GPRIN1: variants seen among roughly 807,000 people sequenced by gnomAD.
GPRIN1 encodes G protein-regulated inducer of neurite outgrowth 1.
A neutral mutation model predicts 2.8 loss-of-function variants in GPRIN1; 4 were observed. The ratio of observed to expected loss-of-function variants is 1.45; its 90% CI spans 0.71 to 3.32. The LOEUF (loss-of-function observed/expected upper bound fraction) is 3.32, where lower values mean the gene tolerates loss of function less well. Ranked by LOEUF, GPRIN1 falls within the 30% of genes most tolerant of loss-of-function variation. GPRIN1 has a pLI of 0.01. For synonymous variants in GPRIN1, 589 were observed against 589.9 expected (o/e 1.00, Z 0.02); for missense variants, 1,322 against 1,343.4 (o/e 0.98, Z 0.25).
At chr5:176,608,991 G>A (rs1054967565) in intron 1 of GPRIN1, among the ~76,000 whole-genome samples, 1 of 152,216 alleles carries the variant, frequency 6.6e-6, no homozygotes, top group African/African-American at 2.4e-5. Context: ...TCGGGGGTGT[G>A]GGGGGAGAAG....
rs150580266 is a variant in GPRIN1, at chr5:176,604,632, C to T, written c.-43-4755G>A. ...TAGCGCCTAGTGAGCCACTGTATCC[C>T]GCCCCTTGGAAGTATTTAAGCAGGG... On this transcript the variant is annotated intron_variant, in intron 1 of 1. Coordinates refer to ENST00000303991, the MANE Select transcript of GPRIN1 (RefSeq NM_052899.3). Among the ~76,000 whole-genome samples the T allele has an allele frequency of 1.9e-4, 29 of 152,230 alleles. No individual in the cohort carries two copies. The East Asian group carries it at 5.0e-3, about 26-fold the overall frequency.
rs995098125 is a variant in GPRIN1, at chr5:176,602,556, C to A, written c.-43-2679G>T. On this transcript the variant is annotated intron_variant, in intron 1 of 1. Transcript: ENST00000303991. This position sits in a 1 kb window ranked among gnomAD's most constrained non-coding sequence, Gnocchi z 4.4. ...ACCTGTGCCCTCCTTGGCTCAAAAC[C>A]CTCCTCATTCTTGCCGGAAATGTAA... 6.6e-6 allele frequency among the ~76,000 whole-genome samples: 1 copy of A among 152,150 alleles called. No homozygotes were observed. The highest frequency in any genetic ancestry group is 1.5e-5 in the Non-Finnish European group (1 of 68,038).
At chr5:176,608,659 C>T (rs1405744683) in intron 1 of GPRIN1, among the ~76,000 whole-genome samples, 2 of 152,178 alleles carry the variant, frequency 1.3e-5, no homozygotes, top group African/African-American at 4.8e-5. Context: ...TATCTCACTC[C>T]TAGGAGAGCT....
rs931849939 is a variant in GPRIN1, at chr5:176,597,423, G to T, written c.2412C>A (p.Ala804=). Residue 804 remains alanine, a synonymous_variant, in exon 2 of 2, where the codon GCC becomes GCA. Transcript: ENST00000303991. The surrounding 1 kb of genome is among the most constrained non-coding windows in gnomAD (Gnocchi z 6.1). ...CCGCGTCCTCGCGCGGCGGCGGCGG[G>T]GCGCTCGCCTCCCACGACGGCGCCT... ...FTKAPSWEAS[A]PPPPREDAGT... 4.6e-6 allele frequency: 6 copies of T among 1,296,568 alleles called. No individual in the cohort carries two copies. In the African/African-American group the frequency reaches 9.3e-5, roughly 20 times the overall value. The allele number at this position is 1,296,568 out of a possible 1,614,324, so 80.3% of individuals were successfully genotyped here. A position where few individuals can be genotyped will look rare whatever the true frequency, so the allele number is the denominator to read the frequency against.
At chr5:176,608,330 C>T (rs369510593) in intron 1 of GPRIN1, among the ~76,000 whole-genome samples, 6 of 152,192 alleles carry the variant, frequency 3.9e-5, no homozygotes, top group Non-Finnish European at 7.3e-5. Flanking sequence ...CTCCCCTCCC[C>T]CTGCATACAT....
chr5:176,596,810 A>G lies in GPRIN1; in HGVS notation c.3025T>C (p.Ter1009ArgextTer18). Residue 1009 changes from the stop codon to arginine (R), a stop_lost, in exon 2 of 2, where the codon TGA becomes CGA. Coordinates refer to ENST00000303991, the MANE Select transcript of GPRIN1 (RefSeq NM_052899.3). This position sits in a 1 kb window ranked among gnomAD's most constrained non-coding sequence, Gnocchi z 5.2. ...CGGGCGTACAAAATGGGGGCAGATC[A>G]CTCGGCCGTGGGTCCCGCCCGCGAG... ...CCSRAGPTAE[*>R] 7.0e-7 allele frequency: 1 copy of G among 1,428,710 alleles called. No homozygotes were observed. Among genetic ancestry groups the G allele is most frequent in the Non-Finnish European group, 9.2e-7 (1 of 1,090,550 alleles). 88.5% of individuals were successfully genotyped at this position (1,428,710 alleles called of 1,614,324 possible). A position where few individuals can be genotyped will look rare whatever the true frequency, so the allele number is the denominator to read the frequency against.
At chr5:176,608,033 T>C (rs1759249734) in intron 1 of GPRIN1, among the ~76,000 whole-genome samples, 1 of 147,578 alleles carries the variant, frequency 6.8e-6, no homozygotes, top group Admixed American at 6.9e-5. Flanking sequence ...TCAAGCAATC[T>C]TCCCTCATCA....
At chr5:176,606,538 C>T (rs1759222793) in intron 1 of GPRIN1, among the ~76,000 whole-genome samples, 1 of 152,212 alleles carries the variant, frequency 6.6e-6, no homozygotes, top group Non-Finnish European at 1.5e-5. Flanking sequence ...TGCCTGGCAA[C>T]ATTCAGCTGG....
chr5:176,595,809 A>T lies in GPRIN1; in HGVS notation c.*999T>A. On this transcript the variant is annotated 3_prime_UTR_variant, in exon 2 of 2. Transcript: ENST00000303991. ...AATCACGGCAGACAGGGGTTGGGGA[A>T]ATATTTTATTACCAATGTATACTGT... is the stretch of plus-strand genomic sequence containing the variant. 1.2e-6 allele frequency: 1 copy of T among 866,096 alleles called. No individual in the cohort carries two copies. The highest frequency in any genetic ancestry group is 1.7e-6 in the Non-Finnish European group (1 of 602,770). The allele number at this position is 866,096 out of a possible 1,614,324, so 53.7% of individuals were successfully genotyped here.
chr5:176,601,142 TTATGTC>T (rs1258608129), intron 1 of GPRIN1, among the ~76,000 whole-genome samples: 3 of 151,980 alleles, frequency 2.0e-5, no homozygotes, highest in African/African-American at 7.3e-5. Context: ...GGCCACCAGT[TTATGTC>T]TATGTAGGCC....
rs749726553 is a variant in GPRIN1 at position 176,599,611 on chromosome 5, C to A, written c.224G>T (p.Ser75Ile). 5.2e-6 allele frequency: 8 copies of A among 1,540,788 alleles called. No individual in the cohort carries two copies. Among genetic ancestry groups the A allele is most frequent in the African/African-American group, 1.4e-5 (1 of 72,298 alleles). Residue 75 changes from serine (S) to isoleucine (I), a missense_variant, in exon 2 of 2, where the codon AGT (serine) becomes ATT (isoleucine). Around this residue, in one of 3 missense-constraint regions of GPRIN1, gnomAD observed 1,117 missense variants for 1,128.6 expected, o/e 0.99. Coordinates refer to ENST00000303991, the MANE Select transcript of GPRIN1 (RefSeq NM_052899.3). ...PGMESRHRSP[S>I]GAGEGASCSD... is the part of the protein sequence containing the mutation. ...GCAGGAGGCCCCTTCCCCAGCCCCA[C>A]TGGGGCTTCTGTGTCTAGACTCCAT...
At chr5:176,606,977 A>G (rs1759230703) in intron 1 of GPRIN1, among the ~76,000 whole-genome samples, 5 of 152,218 alleles carry the variant, frequency 3.3e-5, no homozygotes, top group Admixed American at 2.6e-4. Flanking sequence ...AGTCCAGGGT[A>G]GGGACAGAGA....
In GPRIN1 at chr5:176,598,245, C is replaced by T. The variant is rs764740539; in HGVS notation, c.1590G>A (p.Val530=). 147 of 1,612,776 alleles carry T rather than the reference C, an allele frequency of 9.1e-5. No individual in the cohort carries two copies. Among genetic ancestry groups the T allele is most frequent in the Non-Finnish European group, 1.2e-4 (137 of 1,179,880 alleles). Residue 530 remains valine, a synonymous_variant, in exon 2 of 2, where the codon GTG becomes GTA. Transcript: ENST00000303991. ...CTGTGGGAGCCGCCTTTCCAGAGGC[C>T]ACCAGACCTGCCTTCTCCGAGGACA... ...DPLSSEKAGL[V]ASGKAAPTAS...
At position 176,597,337 on chromosome 5, in the gene GPRIN1, T is replaced by C. The variant is rs1358776043; in HGVS notation, c.2498A>G (p.Asp833Gly). 2 of 1,246,620 alleles carry C rather than the reference T, an allele frequency of 1.6e-6. No homozygotes were observed. Among genetic ancestry groups the C allele is most frequent in the Admixed American group, 4.3e-5 (1 of 23,328 alleles). The allele number at this position is 1,246,620 out of a possible 1,614,324, so 77.2% of individuals were successfully genotyped here. Residue 833 changes from aspartate to glycine, a missense_variant, in exon 2 of 2, where the codon GAC becomes GGC. By Grantham distance (94) the Asp-to-Gly change is moderately conservative. Around this residue, in one of 3 missense-constraint regions of GPRIN1, gnomAD observed 1,117 missense variants for 1,128.6 expected, o/e 0.99. Coordinates refer to ENST00000303991, the MANE Select transcript of GPRIN1 (RefSeq NM_052899.3). This position sits in a 1 kb window ranked among gnomAD's most constrained non-coding sequence, Gnocchi z 6.1. ...GCTGAAGGCCGAGCCCCCAGCGCCG[T>C]CCTGCGGAGACATGGGGCTCACGGC... is the stretch of plus-strand genomic sequence containing the variant. ...SVAVSPMSPQ[D>G]GAGGSAFSFQ...
Position 176,599,433 on chromosome 5 carries a change from G to A in GPRIN1, c.402C>T (p.Ser134=), listed in dbSNP as rs530875829. 105 of 1,614,182 alleles carry A rather than the reference G, an allele frequency of 6.5e-5. No homozygotes were observed. The South Asian group carries it at 6.6e-4, about 10-fold the overall frequency. The change falls in exon 2 of 2, where the codon TCC becomes TCT. Residue 134 remains serine, a synonymous_variant. Coordinates refer to ENST00000303991, the MANE Select transcript of GPRIN1 (RefSeq NM_052899.3). ...TTSGKPEPVS[S]VKTEPKSSDD... is the part of the protein sequence containing the mutation. ...CTGAGGATTTGGGCTCAGTTTTCAC[G>A]GAGGACACAGGCTCTGGCTTCCCAG...
chr5:176,610,093 CG>C lies in GPRIN1; in HGVS notation c.-139del, dbSNP rs1334805073. The C allele has an allele frequency of 2.0e-5, 3 of 150,440 alleles. No homozygotes were observed. Among genetic ancestry groups the C allele is most frequent in the African/African-American group, 7.3e-5 (3 of 41,038 alleles). The allele number at this position is 150,440 out of a possible 1,614,324, so 9.3% of individuals were successfully genotyped here. On this transcript the variant is annotated 5_prime_UTR_variant, in exon 1 of 2. Coordinates refer to ENST00000303991, the MANE Select transcript of GPRIN1 (RefSeq NM_052899.3). ...CCGAGCGGCCTCGGCTGCCTCCGGC[CG>C]GGCTGGCGGGAGGACCCGCAGACTC...
intron 1 of GPRIN1, among the ~76,000 whole-genome samples, chr5:176,609,419 AC>A (rs2113357099): frequency 6.6e-6 from 1 of 152,278 alleles, no homozygotes; most frequent in South Asian, 2.1e-4. Flanking sequence ...GGAATGACCA[AC>A]AGCCATTGTG....
Position 176,598,547 on chromosome 5 carries a change from C to T in GPRIN1, c.1288G>A (p.Gly430Arg). ...SLGKMDPMCS[G>R]KPELLSPGQA... Reference sequence around the variant, plus strand: ...CCAGGAGACAAGAGCTCTGGCTTTCCTGAGCACATGGGGTCCATCTTTCCC... The same window carrying T: ...CCAGGAGACAAGAGCTCTGGCTTTCTTGAGCACATGGGGTCCATCTTTCCC... Residue 430 changes from glycine to arginine, a missense_variant, in exon 2 of 2, where the codon GGA becomes AGA. Transcript: ENST00000303991. 1 of 1,614,166 alleles carries T rather than the reference C, an allele frequency of 6.2e-7. No homozygotes were observed. Among genetic ancestry groups the T allele is most frequent in the Middle Eastern group, 1.7e-4 (1 of 6,058 alleles).
rs1475163687 is a variant in GPRIN1, at chr5:176,602,249, G to C, written c.-43-2372C>G. 6.6e-6 allele frequency among the ~76,000 whole-genome samples: 1 copy of C among 152,176 alleles called. No individual in the cohort carries two copies. The highest frequency in any genetic ancestry group is 2.4e-5 in the African/African-American group (1 of 41,456). On this transcript the variant is annotated intron_variant, in intron 1 of 1. Transcript: ENST00000303991. This position sits in a 1 kb window ranked among gnomAD's most constrained non-coding sequence, Gnocchi z 4.4. ...CTCCCCAAGGCTTTCCCTGACCCATGCAATGTAAAACAGCCTCCTCCCCAG... is the reference window on the plus strand; with the variant it reads ...CTCCCCAAGGCTTTCCCTGACCCATCCAATGTAAAACAGCCTCCTCCCCAG...
Sources: gnomAD v4.1 joint callset for allele counts (sites outside exome capture counted in the v4.1 genomes callset) on GRCh38, gnomAD v4.1.1 for gene constraint, gnomAD v4.1.1 regional missense constraint, Gnocchi (gnomAD v3.1) non-coding constraint, MANE v1.5 for transcripts, NCBI Gene and HGNC (gene_info 2026-07-23, HGNC 2026-07-21) for gene names.